The following FITM2 variants were observed in gnomAD, a reference collection of about 807,000 sequenced individuals.
FITM2 encodes acyl-coenzyme A diphosphatase FITM2.
FITM2 carries 16 observed loss-of-function variants against 23.3 expected under a neutral mutation model. That is an observed-to-expected ratio of 0.69 (90% CI 0.47 to 1.05). FITM2 has a LOEUF of 1.05. FITM2 is among the 50% of genes least tolerant of loss of function. FITM2 has a pLI of 0.00. For synonymous variants in FITM2, 132 were observed against 142.0 expected, an observed-to-expected ratio of 0.93 and a Z score of 0.50; for missense variants, 273 against 327.5, an observed-to-expected ratio of 0.83 and a Z score of 1.29.
rs1374332577 is a variant in FITM2 at position 44,306,407 on chromosome 20, G to A, written c.*218C>T. 1 of 524,792 alleles carries A rather than the reference G, an allele frequency of 1.9e-6. No homozygotes were observed. The highest frequency in any genetic ancestry group is 3.3e-6 in the Non-Finnish European group (1 of 301,234). The allele number at this position is 524,792 out of a possible 1,614,324, so 32.5% of individuals were successfully genotyped here. A position where few individuals can be genotyped will look rare whatever the true frequency, so the allele number is the denominator to read the frequency against. On this transcript the variant is annotated 3_prime_UTR_variant, in exon 2 of 2. Transcript: ENST00000396825. ...GGTCAAGTCTTACCAGGGACAAAAA[G>A]TGCCTAACTGGGAATGGTGGTGCTT...
In FITM2 at chr20:44,306,550, G is replaced by A; in HGVS notation, c.*75C>T. The stretch of plus-strand genomic sequence containing the variant: ...CCTCTGAAGTAGGATCAATAATTTA[G>A]CCAAATAACTAAGCAAAATATATAT... On this transcript the variant is annotated 3_prime_UTR_variant, in exon 2 of 2. Coordinates refer to ENST00000396825, the MANE Select transcript of FITM2 (RefSeq NM_001080472.4). 6.5e-7 allele frequency: 1 copy of A among 1,547,498 alleles called. No homozygotes were observed. Among genetic ancestry groups the A allele is most frequent in the Non-Finnish European group, 8.7e-7 (1 of 1,150,510 alleles).
At position 44,311,202 on chromosome 20, in the gene FITM2, C is replaced by A; in HGVS notation, c.-54G>T. The A allele has an allele frequency of 1.3e-6, 2 of 1,560,964 alleles. No individual in the cohort carries two copies. Among genetic ancestry groups the A allele is most frequent in the East Asian group, 2.4e-5 (1 of 42,360 alleles). On this transcript the variant is annotated 5_prime_UTR_variant, in exon 1 of 2. Coordinates refer to ENST00000396825, the MANE Select transcript of FITM2 (RefSeq NM_001080472.4). ...CTCCGTGCCCTCTCGGCCACCGTAT[C>A]GCCCTTCGCCCGGACCTGCGCCTCC...
intron 1 of FITM2, among the ~76,000 whole-genome samples, chr20:44,309,494 C>T (rs887212051): frequency 2.0e-5 from 3 of 152,086 alleles, no homozygotes; most frequent in Non-Finnish European, 4.4e-5. Flanking sequence ...TCTTTCCTAA[C>T]GGCAGAAACA....
In FITM2 at chr20:44,307,038, C is replaced by A. The variant is rs1600586001; in HGVS notation, c.376G>T (p.Ala126Ser). ...TGTTCCTTTCTGACCCCCTCCAGGG[C>A]TGGGGACTGGTAGCAGCTGCCCGTG... ...HYTGSCYQSP[A>S]LEGVRKEHQS... The change falls in exon 2 of 2, where the codon GCC becomes TCC. Residue 126 changes from alanine (A) to serine (S), a missense_variant. Transcript: ENST00000396825. The A allele has an allele frequency of 6.2e-7, 1 of 1,614,202 alleles. No individual in the cohort carries two copies. The highest frequency in any genetic ancestry group is 8.5e-7 in the Non-Finnish European group (1 of 1,180,026).
chr20:44,309,780 G>C (rs1048432087), intron 1 of FITM2, among the ~76,000 whole-genome samples: 1 of 152,174 alleles, frequency 6.6e-6, no homozygotes, highest in Non-Finnish European at 1.5e-5. Flanking sequence ...TGTGTTGTCA[G>C]CCAGGCCACT....
chr20:44,303,264 C>T lies in FITM2; in HGVS notation c.*3361G>A, dbSNP rs1387275673. 6.6e-6 allele frequency: 1 copy of T among 152,158 alleles called. No individual in the cohort carries two copies. The highest frequency in any genetic ancestry group is 1.5e-5 in the Non-Finnish European group (1 of 68,042). 9.4% of individuals were successfully genotyped at this position (152,158 alleles called of 1,614,324 possible). On this transcript the variant is annotated 3_prime_UTR_variant, in exon 2 of 2. Coordinates refer to ENST00000396825, the MANE Select transcript of FITM2 (RefSeq NM_001080472.4). ...CATGCACCATTTCTCTTCATCTCCA[C>T]CTGACAGACGATGAAAACGAGGTTT...
intron 1 of FITM2, among the ~76,000 whole-genome samples, chr20:44,308,002 G>A (rs1160261355): frequency 6.6e-6 from 1 of 152,068 alleles, no homozygotes; most frequent in African/African-American, 2.4e-5. Flanking sequence ...CAGGAGAATG[G>A]CATGAACCCG....
rs557878050 is a variant in FITM2, at chr20:44,303,055, G to C, written c.*3570C>G. The C allele has an allele frequency of 2.6e-5, 4 of 152,176 alleles. No homozygotes were observed. The East Asian group carries it at 5.8e-4, about 22-fold the overall frequency. 9.4% of individuals were successfully genotyped at this position (152,176 alleles called of 1,614,324 possible). On this transcript the variant is annotated 3_prime_UTR_variant, in exon 2 of 2. Transcript: ENST00000396825. ...GATCACAGATGCCCCCAGAGCCTGG[G>C]GGTAACCGACACTTTTCAACATAAT...
chr20:44,305,371 C>T lies in FITM2; in HGVS notation c.*1254G>A, dbSNP rs1255456733. The T allele has an allele frequency of 6.6e-6, 1 of 152,192 alleles. No individual in the cohort carries two copies. Among genetic ancestry groups the T allele is most frequent in the Non-Finnish European group, 1.5e-5 (1 of 68,042 alleles). 9.4% of individuals were successfully genotyped at this position (152,192 alleles called of 1,614,324 possible). A position where few individuals can be genotyped will look rare whatever the true frequency, so the allele number is the denominator to read the frequency against. ...GACAGAAAATGATCATAGTCCATTACGTATGAATCATCCAATACTTGGTCG... is the reference window on the plus strand; with the variant it reads ...GACAGAAAATGATCATAGTCCATTATGTATGAATCATCCAATACTTGGTCG... On this transcript the variant is annotated 3_prime_UTR_variant, in exon 2 of 2. Coordinates refer to ENST00000396825, the MANE Select transcript of FITM2 (RefSeq NM_001080472.4).
In FITM2 at chr20:44,306,743, A is replaced by G. The variant is rs1421613014; in HGVS notation, c.671T>C (p.Leu224Ser). ...HNLSQKVFGT[L>S]FGLLSWYGTY... ...CCCGTACCAGCTCAGCAAACCAAAC[A>G]AGGTGCCAAACACCTTCTGGGACAA... is the stretch of plus-strand genomic sequence containing the variant. Residue 224 changes from leucine (L) to serine (S), a missense_variant, in exon 2 of 2, where the codon TTG becomes TCG. Physicochemically the swap from Leu to Ser is moderately radical, Grantham distance 145. Transcript: ENST00000396825. The G allele has an allele frequency of 6.2e-6, 10 of 1,613,970 alleles. No individual in the cohort carries two copies. The highest frequency in any genetic ancestry group is 7.6e-6 in the Non-Finnish European group (9 of 1,180,040).
intron 1 of FITM2, among the ~76,000 whole-genome samples, 180 bp from the exon 2 acceptor site, chr20:44,307,420 T>TTATG (rs2062693850): frequency 6.6e-6 from 1 of 151,856 alleles, no homozygotes; most frequent in Admixed American, 6.6e-5. Flanking sequence ...AGTACTTTAT[T>TTATG]TATTTATTTA....
chr20:44,311,124 A>T lies in FITM2; in HGVS notation c.25T>A (p.Trp9Arg), dbSNP rs2062704238. The change falls in exon 1 of 2, where the codon TGG becomes AGG. Residue 9 changes from tryptophan (W) to arginine (R), a missense_variant. Trp to Arg is a moderately radical substitution (Grantham distance 101). Coordinates refer to ENST00000396825, the MANE Select transcript of FITM2 (RefSeq NM_001080472.4). MEHLERCE[W>R]LLRGTLVRAA... ...CGCACCAGCGTCCCCCGCAACAACC[A>T]CTCGCAGCGCTCCAGATGCTCCATG... 1 of 1,611,664 alleles carries T rather than the reference A, an allele frequency of 6.2e-7. No individual in the cohort carries two copies. Among genetic ancestry groups the T allele is most frequent in the South Asian group, 1.1e-5 (1 of 90,902 alleles).
rs1449584842 is a variant in FITM2 at position 44,311,109 on chromosome 20, T to A, written c.40A>T (p.Thr14Ser). Reference protein sequence around the residue: ...LERCEWLLRGTLVRAAVRRYL... With the variant: ...LERCEWLLRGSLVRAAVRRYL... Reference sequence around the variant, plus strand: ...CGCCGCACGGCCGCCCGCACCAGCGTCCCCCGCAACAACCACTCGCAGCGC... The same window carrying A: ...CGCCGCACGGCCGCCCGCACCAGCGACCCCCGCAACAACCACTCGCAGCGC... Residue 14 changes from threonine (T) to serine (S), a missense_variant, in exon 1 of 2, where the codon ACG becomes TCG. Thr to Ser is a moderately conservative substitution (Grantham distance 58). Coordinates refer to ENST00000396825, the MANE Select transcript of FITM2 (RefSeq NM_001080472.4). 21 of 1,612,426 alleles carry A rather than the reference T, an allele frequency of 1.3e-5. No homozygotes were observed. Among genetic ancestry groups the A allele is most frequent in the Non-Finnish European group, 1.7e-5 (20 of 1,179,512 alleles).
At chr20:44,309,768 G>A (rs139669268) in intron 1 of FITM2, among the ~76,000 whole-genome samples, 37 of 152,222 alleles carry the variant, frequency 2.4e-4, no homozygotes, top group Non-Finnish European at 5.0e-4. Context: ...AAACAACAGG[G>A]GTGTGTTGTC....
chr20:44,307,274 G>A (rs2062693422), intron 1 of FITM2, 34 bp from the exon 2 acceptor site: 3 of 1,604,006 alleles, frequency 1.9e-6, no homozygotes, highest in Non-Finnish European at 2.6e-6. Flanking sequence ...TGAAGAGAGG[G>A]AACACGGTGG....
Position 44,308,813 on chromosome 20 carries a change from G to T in FITM2, c.174-1573C>A, listed in dbSNP as rs539448029. On this transcript the variant is annotated intron_variant, in intron 1 of 1. Coordinates refer to ENST00000396825, the MANE Select transcript of FITM2 (RefSeq NM_001080472.4). ...CTGCCTCAGCCTCCCAAAGTGCTGG[G>T]ATTATAGATATGAGCCATGCACCTG... 1.1e-4 allele frequency among the ~76,000 whole-genome samples: 16 copies of T among 152,190 alleles called. No homozygotes were observed. In the Middle Eastern group the frequency reaches 0.01, roughly 97 times the overall value.
chr20:44,307,029 C>G lies in FITM2; in HGVS notation c.385G>C (p.Gly129Arg). Residue 129 changes from glycine to arginine, a missense_variant, in exon 2 of 2, where the codon GGG becomes CGG. By Grantham distance (125) the Gly-to-Arg change is moderately radical. Transcript: ENST00000396825. ...TTGCTCTGGTGTTCCTTTCTGACCCCCTCCAGGGCTGGGGACTGGTAGCAG... is the reference window on the plus strand; with the variant it reads ...TTGCTCTGGTGTTCCTTTCTGACCCGCTCCAGGGCTGGGGACTGGTAGCAG... ...GSCYQSPALE[G>R]VRKEHQSKQQ... 6.2e-7 allele frequency: 1 copy of G among 1,614,218 alleles called. No individual in the cohort carries two copies.
rs556214658 is a variant in FITM2 at position 44,311,092 on chromosome 20, G to A, written c.57C>T (p.Ala19=). The change falls in exon 1 of 2, where the codon GCC becomes GCT. Residue 19 remains alanine (A), a synonymous_variant. Transcript: ENST00000396825. ...WLLRGTLVRA[A]VRRYLPWALV... The stretch of plus-strand genomic sequence containing the variant: ...GGGCCCAGGGCAGGTAGCGCCGCAC[G>A]GCCGCCCGCACCAGCGTCCCCCGCA... 3 of 1,612,730 alleles carry A rather than the reference G, an allele frequency of 1.9e-6. No individual in the cohort carries two copies. Among genetic ancestry groups the A allele is most frequent in the East Asian group, 2.2e-5 (1 of 44,832 alleles).
Position 44,306,667 on chromosome 20 carries a change from C to G in FITM2, c.747G>C (p.Gln249His). 1 of 1,614,146 alleles carries G rather than the reference C, an allele frequency of 6.2e-7. No homozygotes were observed. The highest frequency in any genetic ancestry group is 2.2e-5 in the East Asian group (1 of 44,886). ...PKAFSPGLPPQSCSLNLKQDS... is the reference protein window; with the variant it reads ...PKAFSPGLPPHSCSLNLKQDS... Reference sequence around the variant, plus strand: ...CTTGCTTCAAATTCAAACTACAGCTCTGGGGAGGAAGTCCTGGGGAAAAGG... The same window carrying G: ...CTTGCTTCAAATTCAAACTACAGCTGTGGGGAGGAAGTCCTGGGGAAAAGG... The change falls in exon 2 of 2, where the codon CAG (glutamine) becomes CAC (histidine). Residue 249 changes from glutamine to histidine, a missense_variant. By Grantham distance (24) the Gln-to-His change is conservative. Around this residue, in one of 3 missense-constraint regions of FITM2, gnomAD observed 33 missense variants for 26.3 expected, o/e 1.25. Transcript: ENST00000396825.
Sources: allele counts gnomAD v4.1 joint callset (sites outside exome capture counted in the v4.1 genomes callset), GRCh38; gene constraint gnomAD v4.1.1; regional missense constraint gnomAD v4.1.1; transcripts MANE v1.5; gene names NCBI Gene and HGNC (gene_info 2026-07-23, HGNC 2026-07-21).